MMD2: variants seen among roughly 807,000 people sequenced by gnomAD.
The protein encoded by MMD2 is monocyte to macrophage differentiation associated 2, also known as monocyte to macrophage differentiation factor 2.
MMD2 carries 30 observed loss-of-function variants against 33.5 expected under a neutral mutation model. The ratio of observed to expected loss-of-function variants is 0.90; its 90% CI spans 0.67 to 1.22. The LOEUF is 1.22. MMD2 is among the 50% of genes most tolerant of loss of function. MMD2 has a pLI of 0.00. For synonymous variants in MMD2, 129 were observed against 123.0 expected, an observed-to-expected ratio of 1.05 and a Z score of -0.32; for missense variants, 364 against 325.4, an observed-to-expected ratio of 1.12 and a Z score of -0.91.
At chr7:4,932,580 G>T (rs1785619145) in intron 1 of MMD2, among the ~76,000 whole-genome samples, 1 of 150,248 alleles carries the variant, frequency 6.7e-6, no homozygotes, top group Non-Finnish European at 1.5e-5. Flanking sequence ...TCTGCCCAGT[G>T]CCAGCCGGGC....
intron 1 of MMD2, among the ~76,000 whole-genome samples, chr7:4,943,892 C>G (rs2115145909): frequency 6.6e-6 from 1 of 151,860 alleles, no homozygotes; most frequent in South Asian, 2.1e-4. Flanking sequence ...GCCTCAAACT[C>G]CTGGGCTCAA....
intron 1 of MMD2, among the ~76,000 whole-genome samples, chr7:4,956,856 A>G (rs1268323502): frequency 2.0e-5 from 3 of 152,066 alleles, no homozygotes; most frequent in Non-Finnish European, 2.9e-5. Flanking sequence ...TTTCCCGTGA[A>G]CAGTCCACCA....
At chr7:4,924,362 G>C (rs1377386694) in intron 2 of MMD2, among the ~76,000 whole-genome samples, 1 of 152,218 alleles carries the variant, frequency 6.6e-6, no homozygotes, top group Non-Finnish European at 1.5e-5. Flanking sequence ...GGGTCTAACA[G>C]GTCAGGGCGG....
intron 1 of MMD2, among the ~76,000 whole-genome samples, chr7:4,949,206 T>A (rs1786172452): frequency 6.6e-6 from 1 of 152,096 alleles, no homozygotes; most frequent in African/African-American, 2.4e-5. Context: ...TGAGACTCTG[T>A]CTCAAAAAAT....
chr7:4,935,677 CA>C (rs11337982), intron 1 of MMD2, among the ~76,000 whole-genome samples: 27,129 of 86,342 alleles, frequency 0.31, 2,414 homozygotes, highest in Admixed American at 0.4. Context: ...GACCCTGTCT[CA>C]AAAAAAAAAA....
chr7:4,937,894 C>T (rs937417740), intron 1 of MMD2, among the ~76,000 whole-genome samples: 3 of 151,800 alleles, frequency 2.0e-5, no homozygotes, highest in Non-Finnish European at 2.9e-5. Context: ...AGCAGTCCTC[C>T]TCCTTTGGCC....
rs183424925 is a variant in MMD2, at chr7:4,959,160, G to C, written c.-143C>G. 0.092 allele frequency: 53,971 copies of C among 585,272 alleles called. 3,153 individuals are homozygous for C. Among genetic ancestry groups the C allele is most frequent in the Admixed American group, 0.22 (4,615 of 21,096 alleles). 36.3% of individuals were successfully genotyped at this position (585,272 alleles called of 1,614,324 possible). ...CTGGTCGGCGCCCGGAGCCGGAGCC[G>C]GAGCCCGAGCCGGAGCTGGAGGCGC... On this transcript the variant is annotated 5_prime_UTR_variant, in exon 1 of 7. Coordinates refer to ENST00000401401, the MANE Select transcript of MMD2 (RefSeq NM_198403.4).
the MMD2 span, among the ~76,000 whole-genome samples, chr7:4,900,887 C>T: frequency 2.0e-5 from 3 of 152,154 alleles, no homozygotes; most frequent in Non-Finnish European, 4.4e-5. Context: ...CACCTGTAAT[C>T]CCAGCACTTT....
Position 4,906,792 on chromosome 7 carries a change from A to T in MMD2, c.*604T>A. 1 of 367,012 alleles carries T rather than the reference A, an allele frequency of 2.7e-6. No individual in the cohort carries two copies. Among genetic ancestry groups the T allele is most frequent in the East Asian group, 3.9e-5 (1 of 25,932 alleles). The allele number at this position is 367,012 out of a possible 1,614,324, so 22.7% of individuals were successfully genotyped here. A position where few individuals can be genotyped will look rare whatever the true frequency, so the allele number is the denominator to read the frequency against. ...TCAGAGCACACCAGACAGGAAGGGC[A>T]AAGAGGTCCCATCATGAGTGCCAAA... On this transcript the variant is annotated 3_prime_UTR_variant, in exon 7 of 7. Coordinates refer to ENST00000401401, the MANE Select transcript of MMD2 (RefSeq NM_198403.4).
At chr7:4,937,329 G>A (rs1406181888) in intron 1 of MMD2, among the ~76,000 whole-genome samples, 2 of 151,552 alleles carry the variant, frequency 1.3e-5, no homozygotes, top group Non-Finnish European at 2.9e-5. Context: ...TCCGGGAGGT[G>A]GAGGTTGCAG....
At chr7:4,937,687 T>C (rs1785780496) in intron 1 of MMD2, among the ~76,000 whole-genome samples, 1 of 152,158 alleles carries the variant, frequency 6.6e-6, no homozygotes, top group Non-Finnish European at 1.5e-5. Flanking sequence ...TTTTAATTTT[T>C]TGTAGAGACA....
At chr7:4,916,590 C>T (rs954213597) in intron 3 of MMD2, among the ~76,000 whole-genome samples, 4 of 151,862 alleles carry the variant, frequency 2.6e-5, no homozygotes, top group East Asian at 1.9e-4. Flanking sequence ...GCCATGTTGG[C>T]CAGACTGGTC....
At position 4,946,158 on chromosome 7, in the gene MMD2, C is replaced by T. The variant is rs1455474065; in HGVS notation, c.47+12813G>A. ...ACACGCACGCACACCCACACCCGCG[C>T]GCACACCTGCACACATGCACACACA... is the stretch of plus-strand genomic sequence containing the variant. On this transcript the variant is annotated intron_variant, in intron 1 of 6. Coordinates refer to ENST00000401401, the MANE Select transcript of MMD2 (RefSeq NM_198403.4). This position sits in a 1 kb window ranked among gnomAD's most constrained non-coding sequence, Gnocchi z 5.0. 6.0e-5 allele frequency among the ~76,000 whole-genome samples: 9 copies of T among 150,986 alleles called. No homozygotes were observed. Among genetic ancestry groups the T allele is most frequent in the African/African-American group, 1.5e-4 (6 of 40,996 alleles).
At chr7:4,927,788 C>T (rs879420896) in intron 1 of MMD2, among the ~76,000 whole-genome samples, 4 of 152,138 alleles carry the variant, frequency 2.6e-5, no homozygotes, top group Non-Finnish European at 5.9e-5. Flanking sequence ...AAAGCGTTAT[C>T]ACCTCTGTTT....
At chr7:4,912,383 C>A (rs1338273153) in intron 4 of MMD2, among the ~76,000 whole-genome samples, 3 of 151,672 alleles carry the variant, frequency 2.0e-5, no homozygotes, top group Non-Finnish European at 4.4e-5. Flanking sequence ...ATGGTGAAAC[C>A]CCGTCTCTAC....
intron 1 of MMD2, among the ~76,000 whole-genome samples, chr7:4,930,843 T>G (rs2115121935): frequency 6.6e-6 from 1 of 152,198 alleles, no homozygotes; most frequent in South Asian, 2.1e-4. Context: ...CTTGTTTTTT[T>G]CTTTATTTTT....
chr7:4,957,523 C>T (rs1786419349), intron 1 of MMD2, among the ~76,000 whole-genome samples: 1 of 151,900 alleles, frequency 6.6e-6, no homozygotes, highest in South Asian at 2.1e-4. Context: ...GTGGCAGGTG[C>T]CTGTAGTCCC....
At chr7:4,898,639 G>A in the MMD2 span, among the ~76,000 whole-genome samples, 2 of 152,210 alleles carry the variant, frequency 1.3e-5, no homozygotes, top group African/African-American at 4.8e-5. Context: ...GCTCCCGCCT[G>A]TAATTGCAGC....
At position 4,946,101 on chromosome 7, in the gene MMD2, A is replaced by G. The variant is rs1031521939; in HGVS notation, c.47+12870T>C. Among the ~76,000 whole-genome samples the G allele has an allele frequency of 4.0e-5, 6 of 151,022 alleles. No homozygotes were observed. The highest frequency in any genetic ancestry group is 7.4e-5 in the Non-Finnish European group (5 of 67,720). ...CACGCACACGCACGCACACACACGC[A>G]TGCACACGCGCACACGCACGCACAC... On this transcript the variant is annotated intron_variant, in intron 1 of 6. Coordinates refer to ENST00000401401, the MANE Select transcript of MMD2 (RefSeq NM_198403.4). This position sits in a 1 kb window ranked among gnomAD's most constrained non-coding sequence, Gnocchi z 5.0.
Sources: gnomAD v4.1 joint callset for allele counts (sites outside exome capture counted in the v4.1 genomes callset) on GRCh38, gnomAD v4.1.1 for gene constraint, Gnocchi (gnomAD v3.1) non-coding constraint, MANE v1.5 for transcripts, NCBI Gene and HGNC (gene_info 2026-07-23, HGNC 2026-07-21) for gene names.